The following DAB1 variants were observed in gnomAD, a reference collection of about 807,000 sequenced individuals.
DAB1 encodes the protein DAB adaptor protein 1.
DAB1 carries 15 observed loss-of-function variants against 64.6 expected under a neutral mutation model. The observed-to-expected ratio is 0.23, with a 90% CI of 0.16 to 0.36. The LOEUF is 0.36. Ranked by LOEUF, DAB1 falls within the 10% of genes least tolerant of loss-of-function variation. The pLI is 1.00. For missense variants in DAB1, 596 were observed against 706.7 expected (o/e 0.84, Z 1.78); for synonymous variants, 235 against 251.9 (o/e 0.93, Z 0.64).
intron 3 of DAB1, among the ~76,000 whole-genome samples, chr1:58,404,520 G>A (rs1159755892): frequency 6.6e-6 from 1 of 152,202 alleles, no homozygotes. Flanking sequence ...TCCCTTGTCA[G>A]CCTTCAGGGC....
chr1:57,334,206 G>A (rs927489256), intron 1 of DAB1, among the ~76,000 whole-genome samples: 1 of 152,186 alleles, frequency 6.6e-6, no homozygotes, highest in African/African-American at 2.4e-5. Flanking sequence ...TAATGCTCAC[G>A]GAGGACTTCA....
intron 1 of DAB1, among the ~76,000 whole-genome samples, chr1:57,882,063 C>A (rs1644152513): frequency 6.6e-6 from 1 of 151,976 alleles, no homozygotes; most frequent in Non-Finnish European, 1.5e-5. Context: ...TAAAGAAAAC[C>A]TAAAGAGCCT....
chr1:58,527,480 G>A, intron 1 of DAB1: 1 of 573,744 alleles, frequency 1.7e-6, no homozygotes, highest in Non-Finnish European at 3.1e-6. Context: ...ATAACTCCAT[G>A]ATATAAAATA....
At chr1:58,110,339 A>T (rs541504823) in intron 5 of DAB1, among the ~76,000 whole-genome samples, 59 of 152,242 alleles carry the variant, frequency 3.9e-4, no homozygotes, top group Non-Finnish European at 8.2e-4. Flanking sequence ...TTCACCAATA[A>T]TAAGTGAACA....
At chr1:58,221,328 C>A (rs1189069749) in intron 4 of DAB1, among the ~76,000 whole-genome samples, 2 of 152,090 alleles carry the variant, frequency 1.3e-5, no homozygotes, top group South Asian at 4.2e-4. Flanking sequence ...GAACACCTGA[C>A]CCTAAACAAT....
At chr1:57,402,424 A>G (rs1466447457) in intron 1 of DAB1, among the ~76,000 whole-genome samples, 1 of 152,222 alleles carries the variant, frequency 6.6e-6, no homozygotes, top group Non-Finnish European at 1.5e-5. Flanking sequence ...GTGATATGTT[A>G]CAGTCACGTT....
chr1:58,097,451 C>T (rs1296885891), intron 5 of DAB1, among the ~76,000 whole-genome samples: 2 of 152,080 alleles, frequency 1.3e-5, no homozygotes, highest in African/African-American at 2.4e-5. Flanking sequence ...GAAAGAGAAG[C>T]TCCAGGAAGG....
chr1:57,264,204 A>G (rs979513602), intron 2 of DAB1, among the ~76,000 whole-genome samples: 1 of 152,206 alleles, frequency 6.6e-6, no homozygotes, highest in Non-Finnish European at 1.5e-5. Flanking sequence ...AACATAATAG[A>G]CTTAATTCAC....
intron 4 of DAB1, among the ~76,000 whole-genome samples, chr1:57,097,925 C>T (rs1461266028): frequency 6.6e-6 from 1 of 151,966 alleles, no homozygotes; most frequent in Non-Finnish European, 1.5e-5. Flanking sequence ...CCACAGGTGT[C>T]CACCGCCACG....
intron 2 of DAB1, among the ~76,000 whole-genome samples, chr1:57,233,726 T>C (rs959175128): frequency 1.1e-4 from 16 of 151,480 alleles, no homozygotes; most frequent in African/African-American, 3.6e-4. Flanking sequence ...GCCACTGCAC[T>C]CCAGCCTGGG....
At chr1:57,088,333 AGT>A (rs1249650738) in intron 4 of DAB1, among the ~76,000 whole-genome samples, 1 of 152,112 alleles carries the variant, frequency 6.6e-6, no homozygotes, top group Non-Finnish European at 1.5e-5. Context: ...AGCCTCCCAA[AGT>A]GTCGGGATTA....
chr1:57,124,029 C>T (rs1656905233), intron 4 of DAB1, among the ~76,000 whole-genome samples: 3 of 152,154 alleles, frequency 2.0e-5, no homozygotes, highest in Admixed American at 1.3e-4. Context: ...TCAACTACCA[C>T]TGTGTAACTT....
intron 5 of DAB1, among the ~76,000 whole-genome samples, chr1:57,949,111 TC>T (rs950058482): frequency 2.0e-5 from 3 of 151,682 alleles, no homozygotes; most frequent in African/African-American, 7.3e-5. Flanking sequence ...AAGCCAGCGG[TC>T]CCCAACCTTT....
At chr1:57,595,216 A>C (rs1334073128) in intron 7 of DAB1, among the ~76,000 whole-genome samples, 1 of 149,846 alleles carries the variant, frequency 6.7e-6, no homozygotes, top group African/African-American at 2.5e-5. Flanking sequence ...TAGAATAATT[A>C]TTTAGATTCT....
At chr1:57,331,776 C>T (rs979109676) in intron 1 of DAB1, among the ~76,000 whole-genome samples, 1 of 152,176 alleles carries the variant, frequency 6.6e-6, no homozygotes, top group Non-Finnish European at 1.5e-5. Context: ...GTCTCTTGCA[C>T]TTCCTTTTGA....
At chr1:57,058,195 T>A (rs1308654084) in intron 9 of DAB1, among the ~76,000 whole-genome samples, 3 of 152,096 alleles carry the variant, frequency 2.0e-5, no homozygotes, top group Non-Finnish European at 2.9e-5. Flanking sequence ...CGCCTGGTGA[T>A]CCAAGCTATG....
At chr1:57,011,514 T>C (rs1646265945) in intron 12 of DAB1, among the ~76,000 whole-genome samples, 1 of 152,232 alleles carries the variant, frequency 6.6e-6, no homozygotes, top group South Asian at 2.1e-4. Context: ...TCTCAAAGGA[T>C]GGTCCTTGGA....
intron 4 of DAB1, among the ~76,000 whole-genome samples, chr1:58,168,525 A>G (rs1001880546): frequency 2.0e-5 from 3 of 151,926 alleles, no homozygotes; most frequent in African/African-American, 4.8e-5. Flanking sequence ...AGTTTCTCCT[A>G]TGATTTCTAG....
At chr1:58,141,886 C>G (rs140255594) in intron 5 of DAB1, among the ~76,000 whole-genome samples, 158 of 152,230 alleles carry the variant, frequency 1.0e-3, no homozygotes, top group African/African-American at 3.7e-3. Flanking sequence ...TTGACCTAGA[C>G]AAAGTACCTT....
Sources: gnomAD v4.1 joint callset for allele counts (sites outside exome capture counted in the v4.1 genomes callset) on GRCh38, gnomAD v4.1.1 for gene constraint, MANE v1.5 for transcripts, NCBI Gene and HGNC (gene_info 2026-07-23, HGNC 2026-07-21) for gene names.